Variants in MTPN observed in about 807,000 individuals in gnomAD.
The protein encoded by MTPN is granule cell differentiation protein.
A neutral mutation model predicts 13.5 loss-of-function variants in MTPN; 2 were observed. The observed-to-expected ratio is 0.15, with a 90% confidence interval of 0.06 to 0.47. MTPN has a LOEUF of 0.47. Among genes scored for constraint, MTPN ranks in the 20% least tolerant of loss-of-function variants. MTPN has a pLI of 0.97. For synonymous variants in MTPN, 46 were observed against 51.7 expected, an observed-to-expected ratio of 0.89 and a Z score of 0.48; for missense variants, 79 against 137.9, an observed-to-expected ratio of 0.57 and a Z score of 2.14.
intron 3 of MTPN, among the ~76,000 whole-genome samples, chr7:135,937,492 TC>T (rs1323305605): frequency 6.6e-6 from 1 of 152,026 alleles, no homozygotes; most frequent in Non-Finnish European, 1.5e-5. Flanking sequence ...GGTTCCTAAC[TC>T]CCTCTTGGAT....
chr7:135,930,122 C>T, intron 3 of MTPN, 110 bp from the exon 4 acceptor site: 1 of 928,632 alleles, frequency 1.1e-6, no homozygotes, highest in Non-Finnish European at 1.7e-6. Context: ...TTAAAAATTC[C>T]TTTACTAGTG....
chr7:135,953,787 C>A (rs1172786184), intron 1 of MTPN, among the ~76,000 whole-genome samples: 1 of 152,006 alleles, frequency 6.6e-6, no homozygotes, highest in Non-Finnish European at 1.5e-5. Flanking sequence ...AGAGTTTCAT[C>A]AGAAAGCATT....
chr7:135,972,231 G>GCGCGCGCGCACACACACACACACACA (rs779296906), intron 1 of MTPN, among the ~76,000 whole-genome samples: 41 of 124,716 alleles, frequency 3.3e-4, no homozygotes, highest in African/African-American at 1.2e-3. Flanking sequence ...GCACGCGCGC[G>GCGCGCGCGCACACACACACACACACA]CACACACACA....
At chr7:135,962,948 C>T (rs943210696) in intron 1 of MTPN, among the ~76,000 whole-genome samples, 5 of 151,930 alleles carry the variant, frequency 3.3e-5, no homozygotes, top group African/African-American at 7.3e-5. Flanking sequence ...GCATTGCTGC[C>T]ACTGAGTTCC....
intron 3 of MTPN, among the ~76,000 whole-genome samples, chr7:135,942,901 A>G (rs1562930625): frequency 1.3e-5 from 2 of 152,224 alleles, no homozygotes; most frequent in African/African-American, 4.8e-5. Flanking sequence ...TAAAAGAGCT[A>G]AACAGTTAAC....
At chr7:135,938,504 G>C (rs1234757871) in intron 3 of MTPN, among the ~76,000 whole-genome samples, 5 of 152,186 alleles carry the variant, frequency 3.3e-5, no homozygotes, top group African/African-American at 1.2e-4. Flanking sequence ...ACACTTATCA[G>C]GTCAGGATTC....
intron 3 of MTPN, among the ~76,000 whole-genome samples, chr7:135,939,545 T>C (rs1799170154): frequency 8.8e-6 from 1 of 114,210 alleles, no homozygotes; most frequent in Non-Finnish European, 1.7e-5. Context: ...AGTAGTTATC[T>C]TGTGACCATA....
chr7:135,933,107 A>C (rs1231622583), intron 3 of MTPN, among the ~76,000 whole-genome samples: 2 of 151,590 alleles, frequency 1.3e-5, no homozygotes. Flanking sequence ...TCAAAAAAAA[A>C]AAAAAAAAAA....
rs758531722 is a variant in MTPN, at chr7:135,927,579, C to T, written c.*2347G>A. ...GCAAACATGGTTTTAGCTTCCTTTA[C>T]TCAAAATATGAACATTAAGTGTTGT... On this transcript the variant is annotated 3_prime_UTR_variant, in exon 4 of 4. Transcript: ENST00000393085. The T allele has an allele frequency of 2.0e-5, 14 of 688,340 alleles. No individual in the cohort carries two copies. Among genetic ancestry groups the T allele is most frequent in the East Asian group, 1.9e-4 (7 of 36,118 alleles). 42.6% of individuals were successfully genotyped at this position (688,340 alleles called of 1,614,324 possible).
At chr7:135,943,195 A>G (rs1272909558) in intron 3 of MTPN, among the ~76,000 whole-genome samples, 1 of 152,226 alleles carries the variant, frequency 6.6e-6, no homozygotes, top group Admixed American at 6.5e-5. Flanking sequence ...GAGTGGGGGA[A>G]TATCTGAAGC....
intron 3 of MTPN, among the ~76,000 whole-genome samples, chr7:135,946,673 T>A (rs908095541): frequency 6.6e-6 from 1 of 152,224 alleles, no homozygotes; most frequent in Non-Finnish European, 1.5e-5. Flanking sequence ...TACCACCTTT[T>A]AAATATCCTT....
intron 3 of MTPN, among the ~76,000 whole-genome samples, chr7:135,937,158 G>A (rs1467125745): frequency 6.6e-6 from 1 of 152,034 alleles, no homozygotes; most frequent in Non-Finnish European, 1.5e-5. Context: ...ACATTTTAAG[G>A]ATGAAACTCT....
At chr7:135,970,586 C>G (rs1352902943) in intron 1 of MTPN, among the ~76,000 whole-genome samples, 1 of 152,044 alleles carries the variant, frequency 6.6e-6, no homozygotes, top group African/African-American at 2.4e-5. Context: ...TTTTAAATAA[C>G]AAGCTCATAA....
chr7:135,960,108 A>G (rs972580881), intron 1 of MTPN, among the ~76,000 whole-genome samples: 3 of 152,152 alleles, frequency 2.0e-5, no homozygotes, highest in Non-Finnish European at 2.9e-5. Context: ...AAAAGGAGTC[A>G]TTCCCCACAA....
Position 135,951,081 on chromosome 7 carries a change from T to C in MTPN, c.187-399A>G, listed in dbSNP as rs371779444. Reference sequence around the variant, plus strand: ...AAGGGCCGGGTAGCATGGCATCCCCTGAAATACAGAAGCTACAAAAGGCTA... The same window carrying C: ...AAGGGCCGGGTAGCATGGCATCCCCCGAAATACAGAAGCTACAAAAGGCTA... On this transcript the variant is annotated intron_variant, in intron 2 of 3. Transcript: ENST00000393085. Among the ~76,000 whole-genome samples the C allele has an allele frequency of 8.5e-5, 13 of 152,296 alleles. No individual in the cohort carries two copies. The South Asian group carries it at 2.3e-3, about 27-fold the overall frequency.
chr7:135,949,575 G>GA (rs539778907), intron 3 of MTPN, among the ~76,000 whole-genome samples: 121 of 152,254 alleles, frequency 7.9e-4, no homozygotes, highest in African/African-American at 2.8e-3. Context: ...GCTATGGATA[G>GA]AAAAAACCCT....
intron 2 of MTPN, 49 bp from the exon 3 acceptor site, chr7:135,950,731 T>A: frequency 7.1e-7 from 1 of 1,416,410 alleles, no homozygotes; most frequent in Non-Finnish European, 9.8e-7. Context: ...CATTTCTTCC[T>A]ACTTTCTAGT....
chr7:135,937,370 T>TACACACACACACACACACAC (rs35704525), intron 3 of MTPN, among the ~76,000 whole-genome samples: 179 of 144,478 alleles, frequency 1.2e-3, no homozygotes, highest in African/African-American at 4.4e-3. Context: ...GCTAACTGGA[T>TACACACACACACACACACAC]ACACACACAC....
At chr7:135,966,547 CA>C (rs34046629) in intron 1 of MTPN, among the ~76,000 whole-genome samples, 34 of 146,680 alleles carry the variant, frequency 2.3e-4, no homozygotes, top group Non-Finnish European at 2.4e-4. Flanking sequence ...ATCACAACGT[CA>C]AAAAAAAAAA....
Sources: allele counts gnomAD v4.1 joint callset (sites outside exome capture counted in the v4.1 genomes callset), GRCh38; gene constraint gnomAD v4.1.1; transcripts MANE v1.5; gene names NCBI Gene and HGNC (gene_info 2026-07-23, HGNC 2026-07-21).